The following RALGAPA2 variants were observed in gnomAD, a reference collection of about 807,000 sequenced individuals.
The protein encoded by RALGAPA2 is Ral GTPase activating protein catalytic subunit alpha 2.
In RALGAPA2, 139 loss-of-function variants were observed where a neutral mutation model predicts 230.4. The ratio of observed to expected loss-of-function variants is 0.60; its 90% CI spans 0.53 to 0.69. The LOEUF is 0.69. RALGAPA2 is among the 30% of genes least tolerant of loss of function. RALGAPA2 has a pLI of 0.00. For synonymous variants in RALGAPA2, 847 were observed against 837.8 expected, an observed-to-expected ratio of 1.01 and a Z score of -0.19; for missense variants, 2,163 against 2,276.0, an observed-to-expected ratio of 0.95 and a Z score of 1.01.
At chr20:20,557,897 G>A (rs376209153) in intron 23 of RALGAPA2, among the ~76,000 whole-genome samples, 3 of 152,140 alleles carry the variant, frequency 2.0e-5, no homozygotes, top group Non-Finnish European at 2.9e-5. Context: ...CCCAAGCATC[G>A]TCCTGTTCCT....
chr20:20,534,784 T>C (rs771868074), intron 26 of RALGAPA2, among the ~76,000 whole-genome samples: 28 of 152,232 alleles, frequency 1.8e-4, no homozygotes, highest in Non-Finnish European at 3.7e-4. Context: ...TAATCAAACC[T>C]GATAAGGGAA....
intron 38 of RALGAPA2, among the ~76,000 whole-genome samples, chr20:20,409,436 C>G (rs986062352): frequency 6.6e-6 from 1 of 152,166 alleles, no homozygotes; most frequent in Non-Finnish European, 1.5e-5. Flanking sequence ...ATTGTGCATA[C>G]GCATGTGAGC....
At chr20:20,430,704 G>A (rs542007304) in intron 37 of RALGAPA2, among the ~76,000 whole-genome samples, 135 of 152,028 alleles carry the variant, frequency 8.9e-4, no homozygotes, top group Admixed American at 2.8e-3. Context: ...TTTACCTTTC[G>A]GAGTTCCCTG....
At chr20:20,605,118 A>G (rs1014197655) in intron 15 of RALGAPA2, 57 bp downstream of exon 15, 132 of 1,443,250 alleles carry the variant, frequency 9.1e-5, no homozygotes, top group Non-Finnish European at 1.2e-4. Flanking sequence ...AGTCATACAA[A>G]TACACACTCG....
At position 20,524,398 on chromosome 20, in the gene RALGAPA2, A is replaced by C. The variant is rs1262175343; in HGVS notation, c.3900+8T>G. 6.2e-7 allele frequency: 1 copy of C among 1,613,662 alleles called. No homozygotes were observed. Among genetic ancestry groups the C allele is most frequent in the South Asian group, 1.1e-5 (1 of 91,048 alleles). On this transcript the variant is annotated splice_region_variant and intron_variant, in intron 30 of 39. Coordinates refer to ENST00000202677, the MANE Select transcript of RALGAPA2 (RefSeq NM_020343.4). ...ACTCCATTCCCCCAGGCCCAGGTGT[A>C]GACTCACCCTGTAGATATAATCCAG... is the stretch of plus-strand genomic sequence containing the variant.
intron 33 of RALGAPA2, among the ~76,000 whole-genome samples, chr20:20,510,559 A>C (rs1301647039): frequency 6.6e-6 from 1 of 152,100 alleles, no homozygotes; most frequent in Non-Finnish European, 1.5e-5. Flanking sequence ...TAAAAAACTA[A>C]AGATTAAGGA....
chr20:20,666,832 C>T (rs184111761), intron 3 of RALGAPA2, among the ~76,000 whole-genome samples: 22 of 151,776 alleles, frequency 1.4e-4, no homozygotes, highest in Non-Finnish European at 2.8e-4. Context: ...TGAACCTCCA[C>T]AGGAGCTTTT....
At chr20:20,594,681 C>T (rs2065393871) in intron 16 of RALGAPA2, among the ~76,000 whole-genome samples, 1 of 151,692 alleles carries the variant, frequency 6.6e-6, no homozygotes, top group Non-Finnish European at 1.5e-5. Context: ...ACTTTCTCGT[C>T]TCTTGACAGT....
chr20:20,601,497 A>G lies in RALGAPA2; in HGVS notation c.2203+185T>C, dbSNP rs570606708. Among the ~76,000 whole-genome samples, 162 of 152,392 alleles carry G rather than the reference A, an allele frequency of 1.1e-3. 1 individual carries two copies. Among genetic ancestry groups the G allele is most frequent in the Non-Finnish European group, 1.8e-3 (124 of 68,038 alleles). On this transcript the variant is annotated intron_variant, in intron 16 of 39. Transcript: ENST00000202677. ...CTTTCTCACAATGGAGGATTTAGAA[A>G]TAAGTAACTGAAAACTGTGATTTGA...
chr20:20,537,144 T>C (rs1220648804), intron 24 of RALGAPA2, among the ~76,000 whole-genome samples: 1 of 152,128 alleles, frequency 6.6e-6, no homozygotes, highest in Non-Finnish European at 1.5e-5. Context: ...TTAAGAACAA[T>C]TAAGGAAAAT....
chr20:20,453,710 T>C (rs1011841266), intron 37 of RALGAPA2, among the ~76,000 whole-genome samples: 3 of 152,202 alleles, frequency 2.0e-5, no homozygotes, highest in Non-Finnish European at 4.4e-5. Flanking sequence ...TCTTCCCTAA[T>C]GTGCTCTGTA....
chr20:20,421,261 C>A lies in RALGAPA2; in HGVS notation c.5496-9113G>T, dbSNP rs146664090. On this transcript the variant is annotated intron_variant, in intron 37 of 39. Coordinates refer to ENST00000202677, the MANE Select transcript of RALGAPA2 (RefSeq NM_020343.4). ...AAATGAAAACTATAATAAGATACGA[C>A]CTCACGTCTACTAGGATGACTATAA... is the stretch of plus-strand genomic sequence containing the variant. 3.4e-3 allele frequency among the ~76,000 whole-genome samples: 522 copies of A among 152,300 alleles called. 5 individuals carry two copies. The highest frequency in any genetic ancestry group is 0.011 in the African/African-American group (463 of 41,558).
intron 1 of RALGAPA2, among the ~76,000 whole-genome samples, chr20:20,704,091 C>T (rs1367952184): frequency 6.6e-6 from 1 of 152,118 alleles, no homozygotes; most frequent in Non-Finnish European, 1.5e-5. Flanking sequence ...AAAACTGGCT[C>T]AGCAAATGAC....
chr20:20,420,816 TA>T (rs148670892), intron 37 of RALGAPA2, among the ~76,000 whole-genome samples: 17 of 151,790 alleles, frequency 1.1e-4, no homozygotes, highest in African/African-American at 2.4e-4. Context: ...TTAAACCTAG[TA>T]AAAAAAAGAC....
At chr20:20,499,019 C>G (rs557436755) in intron 35 of RALGAPA2, among the ~76,000 whole-genome samples, 1 of 152,248 alleles carries the variant, frequency 6.6e-6, no homozygotes, top group South Asian at 2.1e-4. Flanking sequence ...TTGAAAAAGT[C>G]CCCCCATGAT....
chr20:20,474,496 T>G (rs979727753), intron 36 of RALGAPA2, among the ~76,000 whole-genome samples: 18 of 152,332 alleles, frequency 1.2e-4, no homozygotes, highest in Non-Finnish European at 7.4e-5. Context: ...AGGGGAATTA[T>G]GGAGACTAGC....
At chr20:20,414,409 A>ATT (rs1366474924) in intron 37 of RALGAPA2, among the ~76,000 whole-genome samples, 1 of 152,188 alleles carries the variant, frequency 6.6e-6, no homozygotes, top group Non-Finnish European at 1.5e-5. Context: ...ATGCGTGCGC[A>ATT]TTTTGCTAAC....
intron 37 of RALGAPA2, among the ~76,000 whole-genome samples, chr20:20,467,527 C>T (rs1035324409): frequency 2.0e-5 from 3 of 152,138 alleles, no homozygotes; most frequent in East Asian, 3.8e-4. Flanking sequence ...GCCAGATACA[C>T]GTGGCCCTGC....
At chr20:20,499,491 GT>G (rs1284709763) in intron 35 of RALGAPA2, among the ~76,000 whole-genome samples, 1 of 152,190 alleles carries the variant, frequency 6.6e-6, no homozygotes, top group Admixed American at 6.5e-5. Context: ...TAAAAAAGAT[GT>G]GTGAGCCCAG....
Sources: gnomAD v4.1 joint callset for allele counts (sites outside exome capture counted in the v4.1 genomes callset) on GRCh38, gnomAD v4.1.1 for gene constraint, MANE v1.5 for transcripts, NCBI Gene and HGNC (gene_info 2026-07-23, HGNC 2026-07-21) for gene names.